The following CRTAP variants were observed in gnomAD, a reference collection of about 807,000 sequenced individuals.
CRTAP encodes cartilage associated protein, also known as cartilage-associated protein.
Under a neutral mutation model 42.7 loss-of-function variants are expected in CRTAP, and 33 were observed. That is an observed-to-expected ratio of 0.77 (90% CI 0.59 to 1.03). The LOEUF is 1.03. CRTAP is among the 50% of genes least tolerant of loss of function. The pLI is 0.00. For synonymous variants in CRTAP, 243 were observed against 217.7 expected, an observed-to-expected ratio of 1.12 and a Z score of -1.02; for missense variants, 613 against 533.9, an observed-to-expected ratio of 1.15 and a Z score of -1.46.
intron 3 of CRTAP, among the ~76,000 whole-genome samples, chr3:33,128,631 T>C (rs2030147651): frequency 6.6e-6 from 1 of 152,222 alleles, no homozygotes; most frequent in African/African-American, 2.4e-5. Context: ...GTGATGGTAG[T>C]AAGTATGGAG....
At chr3:33,129,817 G>A (rs377697621) in intron 3 of CRTAP, 122 bp from the exon 4 acceptor site, 14 of 914,646 alleles carry the variant, frequency 1.5e-5, no homozygotes, top group Admixed American at 5.7e-5. Context: ...GATTACAGGC[G>A]TGAGCCACCG....
At chr3:33,120,299 C>T (rs2029866938) in intron 1 of CRTAP, 45 bp from the exon 2 acceptor site, 1 of 1,529,340 alleles carries the variant, frequency 6.5e-7, no homozygotes, top group Admixed American at 1.7e-5. Context: ...CAAAAATTAC[C>T]ACTTAGCATC....
rs1356764837 is a variant in CRTAP, at chr3:33,146,030, A to C, written c.*3582A>C. On this transcript the variant is annotated 3_prime_UTR_variant, in exon 7 of 7. Coordinates refer to ENST00000320954, the MANE Select transcript of CRTAP (RefSeq NM_006371.5). ...CTATTTCAAAGGAAACCAAACCTTA[A>C]AAAAAAAAAACAAAAACTGGGCTGG... The C allele has an allele frequency of 6.8e-6, 1 of 148,012 alleles. No homozygotes were observed. Among genetic ancestry groups the C allele is most frequent in the African/African-American group, 2.5e-5 (1 of 40,488 alleles). The allele number at this position is 148,012 out of a possible 1,614,324, so 9.2% of individuals were successfully genotyped here. A position where few individuals can be genotyped will look rare whatever the true frequency, so the allele number is the denominator to read the frequency against.
intron 6 of CRTAP, among the ~76,000 whole-genome samples, chr3:33,139,779 G>A (rs2030524274): frequency 6.6e-6 from 1 of 152,092 alleles, no homozygotes; most frequent in Non-Finnish European, 1.5e-5. Context: ...CACCCGGCCT[G>A]AATGTTTTTA....
intron 1 of CRTAP, among the ~76,000 whole-genome samples, chr3:33,116,474 T>G (rs1701344874): frequency 6.6e-6 from 1 of 152,204 alleles, no homozygotes; most frequent in Non-Finnish European, 1.5e-5. Context: ...TTCTTGTATC[T>G]CAGCCTCCTG....
chr3:33,124,620 G>A, intron 3 of CRTAP, 41 bp downstream of exon 3: 2 of 1,610,892 alleles, frequency 1.2e-6, no homozygotes, highest in Non-Finnish European at 1.7e-6. Context: ...CCATGGAATA[G>A]TCTTCCTTAG....
At chr3:33,132,823 T>C in intron 5 of CRTAP, 123 bp downstream of exon 5, 1 of 1,179,742 alleles carries the variant, frequency 8.5e-7, no homozygotes, top group South Asian at 1.3e-5. Context: ...CTCATGCCTG[T>C]AATCCCAGCA....
intron 2 of CRTAP, among the ~76,000 whole-genome samples, chr3:33,122,715 A>AG (rs2029918082): frequency 1.4e-5 from 2 of 138,094 alleles, no homozygotes; most frequent in African/African-American, 2.5e-5. Context: ...GTCTCAAAAA[A>AG]AAAAAAAAAA....
At chr3:33,134,667 C>T (rs2030370706) in intron 6 of CRTAP, among the ~76,000 whole-genome samples, 1 of 152,176 alleles carries the variant, frequency 6.6e-6, no homozygotes, top group Non-Finnish European at 1.5e-5. Flanking sequence ...TTACTGTAAG[C>T]ATTTTGTCAT....
chr3:33,134,183 A>G lies in CRTAP; in HGVS notation c.1070A>G (p.Glu357Gly). 6.2e-7 allele frequency: 1 copy of G among 1,607,510 alleles called. No homozygotes were observed. Among genetic ancestry groups the G allele is most frequent in the Non-Finnish European group, 8.5e-7 (1 of 1,173,948 alleles). The stretch of plus-strand genomic sequence containing the variant: ...CTGTTCTCTGTTGTGTCTGAACAGG[A>G]AGCAGTTCAGTTCTTTAATGTGACC... The part of the protein sequence containing the change: ...LSDEHFQPRP[E>G]AVQFFNVTTL... The change falls in exon 6 of 7, where the codon GAA becomes GGA. Residue 357 changes from glutamate to glycine, a missense_variant and splice_region_variant. Physicochemically the swap from Glu to Gly is moderately conservative, Grantham distance 98. Transcript: ENST00000320954.
At chr3:33,141,822 C>T (rs2030579239) in intron 6 of CRTAP, among the ~76,000 whole-genome samples, 1 of 152,132 alleles carries the variant, frequency 6.6e-6, no homozygotes, top group African/African-American at 2.4e-5. Context: ...CTCCTGGTAC[C>T]GACACTGGGC....
intron 6 of CRTAP, among the ~76,000 whole-genome samples, chr3:33,138,505 A>G (rs1231227080): frequency 6.6e-6 from 1 of 152,176 alleles, no homozygotes; most frequent in East Asian, 1.9e-4. Flanking sequence ...CTAGTATTCA[A>G]GCATTTTATT....
chr3:33,143,651 G>T lies in CRTAP; in HGVS notation c.*1203G>T, dbSNP rs574626103. ...GGAATAAATATATACAAGGTATCAT[G>T]TAGTGATAATTGCTGTGGAGAAAAA... is the stretch of plus-strand genomic sequence containing the variant. On this transcript the variant is annotated 3_prime_UTR_variant, in exon 7 of 7. Transcript: ENST00000320954. 2 of 152,316 alleles carry T rather than the reference G, an allele frequency of 1.3e-5. No homozygotes were observed. The highest frequency in any genetic ancestry group is 3.9e-4 in the East Asian group (2 of 5,190). The allele number at this position is 152,316 out of a possible 1,614,324, so 9.4% of individuals were successfully genotyped here. A position where few individuals can be genotyped will look rare whatever the true frequency, so the allele number is the denominator to read the frequency against.
rs959364932 is a variant in CRTAP, at chr3:33,135,495, G to A, written c.1152+1230G>A. Among the ~76,000 whole-genome samples, 14 of 152,082 alleles carry A rather than the reference G, an allele frequency of 9.2e-5. 1 individual carries two copies. The highest frequency in any genetic ancestry group is 9.2e-4 in the Admixed American group (14 of 15,272). On this transcript the variant is annotated intron_variant, in intron 6 of 6. Transcript: ENST00000320954. Reference sequence around the variant, plus strand: ...TACAAAAAAATTAGCTGGGTATGGTGGAGTGCACCCGTAGTCCTAGCTACT... The same window carrying A: ...TACAAAAAAATTAGCTGGGTATGGTAGAGTGCACCCGTAGTCCTAGCTACT...
At chr3:33,122,172 C>A (rs959308182) in intron 2 of CRTAP, among the ~76,000 whole-genome samples, 1 of 152,114 alleles carries the variant, frequency 6.6e-6, no homozygotes, top group African/African-American at 2.4e-5. Flanking sequence ...CTGGGCTTAT[C>A]TGGAATTCAG....
intron 1 of CRTAP, 50 bp from the exon 2 acceptor site, chr3:33,120,294 A>T: frequency 6.6e-7 from 1 of 1,521,138 alleles, no homozygotes; most frequent in Non-Finnish European, 9.1e-7. Flanking sequence ...TTTTACAAAA[A>T]TTACCACTTA....
In CRTAP at chr3:33,132,551, C is replaced by G. The variant is rs757988143; in HGVS notation, c.923-4C>G. 4.6e-5 allele frequency: 74 copies of G among 1,613,848 alleles called. No homozygotes were observed. Among genetic ancestry groups the G allele is most frequent in the African/African-American group, 9.3e-5 (7 of 74,902 alleles). On this transcript the variant is annotated splice_polypyrimidine_tract_variant and splice_region_variant and intron_variant, in intron 4 of 6. Coordinates refer to ENST00000320954, the MANE Select transcript of CRTAP (RefSeq NM_006371.5). ...CTTCATTTGTCTTTTCTTCCCAACC[C>G]TAGTGAACGACCTGAAGAATGCAGC... is the stretch of plus-strand genomic sequence containing the variant.
intron 2 of CRTAP, among the ~76,000 whole-genome samples, chr3:33,123,758 TAGCTGGGACTACA>T (rs2029972563): frequency 6.6e-6 from 1 of 151,294 alleles, no homozygotes; most frequent in Non-Finnish European, 1.5e-5. Context: ...GCCTCGTGAG[TAGCTGGGACTACA>T]AGCATGTGAC....
intron 4 of CRTAP, among the ~76,000 whole-genome samples, chr3:33,130,470 T>G (rs564697316): frequency 4.6e-5 from 7 of 152,264 alleles, no homozygotes; most frequent in African/African-American, 1.7e-4. Context: ...CTAGCTTTAC[T>G]TTTCAGACTG....
Sources: allele counts gnomAD v4.1 joint callset (sites outside exome capture counted in the v4.1 genomes callset), GRCh38; gene constraint gnomAD v4.1.1; transcripts MANE v1.5; gene names NCBI Gene and HGNC (gene_info 2026-07-23, HGNC 2026-07-21).